Variants in SDC2 observed in about 807,000 individuals in gnomAD.
SDC2 encodes the protein syndecan-2.
A neutral mutation model predicts 22.2 loss-of-function variants in SDC2; 13 were observed. The observed-to-expected ratio is 0.59, with a 90% CI of 0.38 to 0.93. The LOEUF (loss-of-function observed/expected upper bound fraction) is 0.93, where lower values mean the gene tolerates loss of function less well. SDC2 is among the 40% of genes least tolerant of loss of function. SDC2 has a pLI of 0.00. For synonymous variants in SDC2, 94 were observed against 92.8 expected (o/e 1.01, Z -0.07); for missense variants, 235 against 246.8 (o/e 0.95, Z 0.32).
chr8:96,523,731 A>G (rs1813533869), intron 1 of SDC2, among the ~76,000 whole-genome samples: 1 of 152,194 alleles, frequency 6.6e-6, no homozygotes. Flanking sequence ...TGCTTTAAAG[A>G]CAGAGGAATG....
chr8:96,505,156 C>T (rs982709794), intron 1 of SDC2, among the ~76,000 whole-genome samples: 7 of 152,092 alleles, frequency 4.6e-5, no homozygotes, highest in Non-Finnish European at 8.8e-5. Flanking sequence ...TTTTGTATTT[C>T]CCCTGTCACC....
chr8:96,576,660 C>T lies in SDC2; in HGVS notation c.61-16820C>T, dbSNP rs1167327389. On this transcript the variant is annotated intron_variant, in intron 1 of 4. Transcript: ENST00000302190. ...GGTCTCGATCTCCTGACCTCGTGAT[C>T]CGCCCGCCTCGGCCTCCCAAAGTGT... is the stretch of plus-strand genomic sequence containing the variant. Among the ~76,000 whole-genome samples the T allele has an allele frequency of 3.3e-5, 5 of 149,912 alleles. 1 individual carries two copies. Among genetic ancestry groups the T allele is most frequent in the Admixed American group, 3.3e-4 (5 of 15,026 alleles).
intron 1 of SDC2, among the ~76,000 whole-genome samples, chr8:96,534,159 G>A (rs541414339): frequency 2.1e-4 from 32 of 152,322 alleles, no homozygotes; most frequent in African/African-American, 6.3e-4. Flanking sequence ...TGCAAGCGCC[G>A]TGCGCAGCCC....
At chr8:96,532,997 C>T (rs536963441) in intron 1 of SDC2, among the ~76,000 whole-genome samples, 8 of 152,256 alleles carry the variant, frequency 5.3e-5, no homozygotes, top group South Asian at 2.1e-4. Context: ...CAGACCCTTG[C>T]GGTGAATGTT....
intron 1 of SDC2, among the ~76,000 whole-genome samples, chr8:96,495,458 C>G (rs1270362721): frequency 6.6e-6 from 1 of 152,206 alleles, no homozygotes; most frequent in East Asian, 1.9e-4. Context: ...TCTGTCGGGC[C>G]AGGTGGAAGC....
At chr8:96,523,025 G>A (rs1157739254) in intron 1 of SDC2, among the ~76,000 whole-genome samples, 1 of 152,144 alleles carries the variant, frequency 6.6e-6, no homozygotes, top group South Asian at 2.1e-4. Flanking sequence ...CTCCCTTTCA[G>A]AGCCAGAAGA....
At chr8:96,518,415 C>T (rs1813441670) in intron 1 of SDC2, among the ~76,000 whole-genome samples, 1 of 147,342 alleles carries the variant, frequency 6.8e-6, no homozygotes, top group Non-Finnish European at 1.5e-5. Flanking sequence ...GGCTGGAGTG[C>T]AGTGGCGCGA....
chr8:96,599,431 G>A (rs1451408681), intron 2 of SDC2, among the ~76,000 whole-genome samples: 2 of 152,256 alleles, frequency 1.3e-5, no homozygotes, highest in East Asian at 3.9e-4. Context: ...GTAAGAAAAT[G>A]ATTCATTGTA....
At chr8:96,531,495 CAT>C (rs1254808565) in intron 1 of SDC2, among the ~76,000 whole-genome samples, 2 of 152,118 alleles carry the variant, frequency 1.3e-5, no homozygotes, top group African/African-American at 2.4e-5. Flanking sequence ...AATAGTCTAA[CAT>C]ATGTAAAAAT....
In SDC2 at chr8:96,601,910, C is replaced by T. The variant is rs563465300; in HGVS notation, c.173-485C>T. ...AGTAGCTGGGATTACAGGCGTGCGC[C>T]GCCACGCCCAGCTAAATTTTTGAAT... is the stretch of plus-strand genomic sequence containing the variant. On this transcript the variant is annotated intron_variant, in intron 2 of 4. Coordinates refer to ENST00000302190, the MANE Select transcript of SDC2 (RefSeq NM_002998.4). Among the ~76,000 whole-genome samples the T allele has an allele frequency of 6.1e-3, 917 of 151,398 alleles. 9 individuals are homozygous for T. Among genetic ancestry groups the T allele is most frequent in the African/African-American group, 0.021 (863 of 41,086 alleles).
In SDC2 at chr8:96,609,519, A is replaced by G. The variant is rs957870075; in HGVS notation, c.577A>G (p.Lys193Glu). 3.7e-6 allele frequency: 6 copies of G among 1,605,946 alleles called. No homozygotes were observed. Among genetic ancestry groups the G allele is most frequent in the Non-Finnish European group, 5.1e-6 (6 of 1,176,002 alleles). ...CAAACCATCCAGTGCTGCTTATCAG[A>G]AGGCACCTACTAAGGAGTTTTATGC... Reference protein sequence around the residue: ...ERKPSSAAYQKAPTKEFYA With the variant: ...ERKPSSAAYQEAPTKEFYA Residue 193 changes from lysine to glutamate, a missense_variant, in exon 5 of 5, where the codon AAG becomes GAG. Lys to Glu is a moderately conservative substitution (Grantham distance 56). Transcript: ENST00000302190.
intron 1 of SDC2, among the ~76,000 whole-genome samples, chr8:96,519,739 G>A (rs1010319494): frequency 2.1e-4 from 32 of 152,036 alleles, no homozygotes; most frequent in African/African-American, 7.5e-4. Context: ...GGGTTCAAGC[G>A]ATTCTTGTGC....
chr8:96,582,439 G>A (rs1022205277), intron 1 of SDC2, among the ~76,000 whole-genome samples: 7 of 152,132 alleles, frequency 4.6e-5, no homozygotes, highest in South Asian at 2.1e-4. Flanking sequence ...TGGTGGTCTC[G>A]TCAGCTTTAG....
chr8:96,533,730 A>G (rs932169250), intron 1 of SDC2, among the ~76,000 whole-genome samples: 2 of 152,162 alleles, frequency 1.3e-5, no homozygotes, highest in African/African-American at 4.8e-5. Context: ...TCCCTTAGCT[A>G]GACATAAAGG....
intron 1 of SDC2, among the ~76,000 whole-genome samples, chr8:96,503,407 C>T (rs1813194426): frequency 6.6e-6 from 1 of 151,964 alleles, no homozygotes; most frequent in Non-Finnish European, 1.5e-5. Flanking sequence ...AACTATAGTA[C>T]ACAAAAAGTT....
chr8:96,515,850 C>A (rs1001219130), intron 1 of SDC2, among the ~76,000 whole-genome samples: 5 of 152,106 alleles, frequency 3.3e-5, no homozygotes, highest in African/African-American at 4.8e-5. Context: ...CTCCCAAATG[C>A]CCATGATTTT....
intron 1 of SDC2, among the ~76,000 whole-genome samples, chr8:96,542,368 C>G (rs1009593322): frequency 2.6e-5 from 4 of 152,132 alleles, no homozygotes; most frequent in African/African-American, 7.2e-5. Context: ...GCACTTTGAC[C>G]TTCACAGCAC....
chr8:96,574,737 A>G (rs1390595105), intron 1 of SDC2, among the ~76,000 whole-genome samples: 1 of 152,172 alleles, frequency 6.6e-6, no homozygotes, highest in South Asian at 2.1e-4. Context: ...AAGACATTTA[A>G]TGCCTCCTAT....
At chr8:96,597,226 C>T (rs760829587) in intron 2 of SDC2, among the ~76,000 whole-genome samples, 1 of 152,134 alleles carries the variant, frequency 6.6e-6, no homozygotes, top group Non-Finnish European at 1.5e-5. Context: ...TTGTCTTCTC[C>T]CAGTCAGTTC....
Sources: gnomAD v4.1 joint callset for allele counts (sites outside exome capture counted in the v4.1 genomes callset) on GRCh38, gnomAD v4.1.1 for gene constraint, MANE v1.5 for transcripts, NCBI Gene and HGNC (gene_info 2026-07-23, HGNC 2026-07-21) for gene names.